The following HS6ST1 variants were observed in gnomAD, a reference collection of about 807,000 sequenced individuals.
HS6ST1 encodes the protein heparan sulfate 6-O-sulfotransferase 1, also known as heparan-sulfate 6-O-sulfotransferase 1.
Under a neutral mutation model 25.2 loss-of-function variants are expected in HS6ST1, and 3 were observed. That is an observed-to-expected ratio of 0.12 (90% CI 0.05 to 0.31). HS6ST1 has a LOEUF of 0.31. HS6ST1 is among the 10% of genes least tolerant of loss of function. The pLI, the probability that HS6ST1 is intolerant of heterozygous loss-of-function variation, is 1.00. For synonymous variants in HS6ST1, 204 were observed against 275.1 expected (o/e 0.74, Z 2.56); for missense variants, 310 against 609.6 (o/e 0.51, Z 5.18).
At chr2:128,269,655 C>T (rs1341187970) in intron 1 of HS6ST1, among the ~76,000 whole-genome samples, 3 of 152,158 alleles carry the variant, frequency 2.0e-5, no homozygotes, top group African/African-American at 7.2e-5. Context: ...TGGGCTCAGC[C>T]CCGGGAGAGG....
intron 1 of HS6ST1, among the ~76,000 whole-genome samples, chr2:128,291,976 C>G (rs1693958927): frequency 1.3e-5 from 2 of 152,222 alleles, no homozygotes; most frequent in Admixed American, 1.3e-4. Context: ...AGGGGAGACC[C>G]TGCCAAGCTC....
At chr2:128,317,385 G>C (rs1472381636) in intron 1 of HS6ST1, among the ~76,000 whole-genome samples, 1 of 152,228 alleles carries the variant, frequency 6.6e-6, no homozygotes, top group Non-Finnish European at 1.5e-5. Context: ...CTCTCTCCAG[G>C]CAAGCCTGTG....
intron 1 of HS6ST1, among the ~76,000 whole-genome samples, chr2:128,294,328 C>T (rs547326136): frequency 1.3e-4 from 20 of 152,250 alleles, no homozygotes; most frequent in African/African-American, 3.9e-4. Context: ...TGGAGGGCCC[C>T]GGGCCCTGCC....
At chr2:128,278,821 A>G (rs1267022062) in intron 1 of HS6ST1, among the ~76,000 whole-genome samples, 1 of 152,238 alleles carries the variant, frequency 6.6e-6, no homozygotes, top group African/African-American at 2.4e-5. Flanking sequence ...CGGCAGTGAG[A>G]TAATGAATTT....
At chr2:128,314,766 G>A (rs1012136772) in intron 1 of HS6ST1, among the ~76,000 whole-genome samples, 2 of 152,238 alleles carry the variant, frequency 1.3e-5, no homozygotes, top group South Asian at 2.1e-4. Flanking sequence ...CAGAGAGGAT[G>A]TGAGCTGGTC....
chr2:128,318,863 C>G lies in HS6ST1; in HGVS notation c.-300G>C, dbSNP rs551432890. Among the ~76,000 whole-genome samples the G allele has an allele frequency of 1.5e-4, 22 of 148,160 alleles. No homozygotes were observed. Among genetic ancestry groups the G allele is most frequent in the Non-Finnish European group, 2.6e-4 (17 of 66,424 alleles). On this transcript the variant is annotated 5_prime_UTR_variant, in exon 1 of 2. Transcript: ENST00000259241. This position sits in a 1 kb window ranked among gnomAD's most constrained non-coding sequence, Gnocchi z 5.7. The stretch of plus-strand genomic sequence containing the variant: ...GCTCCGCTCCACTCCGCGCCGAGAA[C>G]GCTCTGCGCCGCCCCGCGCGCCGCC...
chr2:128,278,273 C>T (rs1558870174), intron 1 of HS6ST1, among the ~76,000 whole-genome samples: 1 of 152,350 alleles, frequency 6.6e-6, no homozygotes, highest in Non-Finnish European at 1.5e-5. Context: ...CCTCTGCCTT[C>T]GAGTGCTGAT....
Position 128,315,968 on chromosome 2 carries a change from G to A in HS6ST1, c.527+2069C>T, listed in dbSNP as rs775477863. ...TGGGTGGCAGAGGGGGCCTCCTGAC[G>A]GCCCTGGAAGCCCCTCCCAACCCTG... On this transcript the variant is annotated intron_variant, in intron 1 of 1. Transcript: ENST00000259241. Among the ~76,000 whole-genome samples, 17 of 152,226 alleles carry A rather than the reference G, an allele frequency of 1.1e-4. No individual in the cohort carries two copies. The South Asian group carries it at 1.2e-3, about 11-fold the overall frequency.
At chr2:128,306,303 C>T (rs988927841) in intron 1 of HS6ST1, among the ~76,000 whole-genome samples, 3 of 152,140 alleles carry the variant, frequency 2.0e-5, no homozygotes, top group Non-Finnish European at 2.9e-5. Context: ...GACGTGGCCG[C>T]GCCGCTGCGA....
intron 1 of HS6ST1, among the ~76,000 whole-genome samples, chr2:128,272,616 G>A (rs1693626123): frequency 6.6e-6 from 1 of 152,204 alleles, no homozygotes; most frequent in Non-Finnish European, 1.5e-5. Flanking sequence ...GTCTTGAGGG[G>A]ACAGTGAGAC....
At chr2:128,303,370 G>A (rs1195565135) in intron 1 of HS6ST1, among the ~76,000 whole-genome samples, 3 of 152,254 alleles carry the variant, frequency 2.0e-5, no homozygotes, top group Non-Finnish European at 4.4e-5. Context: ...GCCACCCTGA[G>A]GGCTGAGGAC....
At chr2:128,278,134 C>G (rs952340800) in intron 1 of HS6ST1, among the ~76,000 whole-genome samples, 6 of 152,260 alleles carry the variant, frequency 3.9e-5, no homozygotes, top group Non-Finnish European at 8.8e-5. Context: ...GCCTTCCAGG[C>G]AGGAGGGCGG....
At chr2:128,299,193 C>T (rs545564942) in intron 1 of HS6ST1, among the ~76,000 whole-genome samples, 3 of 152,342 alleles carry the variant, frequency 2.0e-5, no homozygotes, top group African/African-American at 7.2e-5. Context: ...CAGCAGAGAG[C>T]ACACAGCTCC....
chr2:128,300,733 G>A (rs1217737382), intron 1 of HS6ST1, among the ~76,000 whole-genome samples: 2 of 152,184 alleles, frequency 1.3e-5, no homozygotes, highest in African/African-American at 2.4e-5. Flanking sequence ...GCATCACCTG[G>A]CCACACCCAG....
At chr2:128,297,890 A>G (rs150235552) in intron 1 of HS6ST1, among the ~76,000 whole-genome samples, 131 of 152,360 alleles carry the variant, frequency 8.6e-4, no homozygotes, top group Middle Eastern at 3.4e-3. Flanking sequence ...GATAGTATCA[A>G]CAGAGTGAAA....
intron 1 of HS6ST1, among the ~76,000 whole-genome samples, chr2:128,297,314 GATTTCCACATGTAAAAGAAGGAA>G (rs1351670199): frequency 2.6e-5 from 4 of 152,156 alleles, no homozygotes; most frequent in Admixed American, 1.3e-4. Context: ...GGGGAAACTG[GATTTCCACATGTAAAAGAAGGAA>G]ATTGGACCCT....
intron 1 of HS6ST1, among the ~76,000 whole-genome samples, chr2:128,303,712 C>T (rs960658660): frequency 2.0e-5 from 3 of 152,210 alleles, no homozygotes; most frequent in Admixed American, 6.5e-5. Flanking sequence ...GCTGAGGCTC[C>T]CTTGGGAGAA....
chr2:128,286,080 C>T (rs1558873012), intron 1 of HS6ST1, among the ~76,000 whole-genome samples: 3 of 152,194 alleles, frequency 2.0e-5, no homozygotes, highest in South Asian at 2.1e-4. Flanking sequence ...CCCAGACTGG[C>T]GATCTGGTGT....
At chr2:128,316,618 A>G (rs1694366911) in intron 1 of HS6ST1, among the ~76,000 whole-genome samples, 1 of 152,164 alleles carries the variant, frequency 6.6e-6, no homozygotes, top group African/African-American at 2.4e-5. Flanking sequence ...CTAGACAGGC[A>G]GCTCTGTGAC....
Sources: gnomAD v4.1 joint callset for allele counts (sites outside exome capture counted in the v4.1 genomes callset) on GRCh38, gnomAD v4.1.1 for gene constraint, Gnocchi (gnomAD v3.1) non-coding constraint, MANE v1.5 for transcripts, NCBI Gene and HGNC (gene_info 2026-07-23, HGNC 2026-07-21) for gene names.